PRPF6: variants seen among roughly 807,000 people sequenced by gnomAD.
PRPF6 encodes pre-mRNA processing factor 6.
A neutral mutation model predicts 118.3 loss-of-function variants in PRPF6; 42 were observed. That is an observed-to-expected ratio of 0.35 (90% CI 0.28 to 0.46). PRPF6 has a LOEUF of 0.46. PRPF6 is among the 20% of genes least tolerant of loss of function. The pLI, the probability that PRPF6 is intolerant of heterozygous loss-of-function variation, is 1.00. For missense variants in PRPF6, 662 were observed against 1,255.7 expected (o/e 0.53, Z 7.15); for synonymous variants, 481 against 485.1 (o/e 0.99, Z 0.11).
intron 13 of PRPF6, 91 bp downstream of exon 13, chr20:64,022,969 A>T: frequency 6.3e-7 from 1 of 1,593,770 alleles, no homozygotes; most frequent in East Asian, 2.3e-5. Context: ...ATGTCTGCTC[A>T]TCCAGTCTTG....
Position 64,022,895 on chromosome 20 carries a change from G to C in PRPF6, c.1769+17G>C. Reference sequence around the variant, plus strand: ...TGGCACTCGGTATGTGGTGGGACCCGCCTGCCCAAGGGTGCTAATGAAACC... The same window carrying C: ...TGGCACTCGGTATGTGGTGGGACCCCCCTGCCCAAGGGTGCTAATGAAACC... On this transcript the variant is annotated intron_variant, in intron 13 of 20. Coordinates refer to ENST00000266079, the MANE Select transcript of PRPF6 (RefSeq NM_012469.4). 2 of 1,613,752 alleles carry C rather than the reference G, an allele frequency of 1.2e-6. No homozygotes were observed. Among genetic ancestry groups the C allele is most frequent in the Non-Finnish European group, 1.7e-6 (2 of 1,179,870 alleles).
intron 9 of PRPF6, among the ~76,000 whole-genome samples, chr20:64,003,488 A>G (rs949892085): frequency 5.3e-5 from 8 of 152,194 alleles, no homozygotes; most frequent in Non-Finnish European, 1.2e-4. Context: ...CTTGCCTGTG[A>G]TGCATGTTCC....
intron 3 of PRPF6, among the ~76,000 whole-genome samples, chr20:63,986,055 T>C (rs141825910): frequency 1.1e-3 from 174 of 152,248 alleles, no homozygotes; most frequent in African/African-American, 3.9e-3. Flanking sequence ...GTTCATCGGC[T>C]GGGCGCAGTG....
intron 12 of PRPF6, among the ~76,000 whole-genome samples, chr20:64,021,962 C>T (rs1449393146): frequency 3.2e-5 from 4 of 126,908 alleles, no homozygotes; most frequent in Admixed American, 8.1e-5. Context: ...TGTGTGTGCA[C>T]GTATGCATAT....
At chr20:64,003,857 C>G (rs1449412490) in intron 9 of PRPF6, among the ~76,000 whole-genome samples, 1 of 152,180 alleles carries the variant, frequency 6.6e-6, no homozygotes, top group African/African-American at 2.4e-5. Context: ...CTCGGCCTCT[C>G]AAAGTGCTGG....
intron 2 of PRPF6, 121 bp downstream of exon 2, chr20:63,983,336 TATTCATGGAAC>T: frequency 7.9e-7 from 1 of 1,263,174 alleles, no homozygotes; most frequent in Non-Finnish European, 1.1e-6. Flanking sequence ...AAATTTTAGC[TATTCATGGAAC>T]ATCTTTACTG....
chr20:63,986,779 C>T (rs902310764), intron 3 of PRPF6, among the ~76,000 whole-genome samples: 1 of 151,756 alleles, frequency 6.6e-6, no homozygotes, highest in African/African-American at 2.4e-5. Flanking sequence ...TGAGCCACTG[C>T]GCCCGGCCTA....
At chr20:63,989,370 T>C (rs1430062192) in intron 3 of PRPF6, among the ~76,000 whole-genome samples, 1 of 151,952 alleles carries the variant, frequency 6.6e-6, no homozygotes, top group Non-Finnish European at 1.5e-5. Context: ...AAGCCAGGTG[T>C]GGTGGCTCGC....
rs199531389 is a variant in PRPF6, at chr20:64,022,852, G to A, written c.1743G>A (p.Ala581=). The A allele has an allele frequency of 6.8e-6, 11 of 1,613,940 alleles. No homozygotes were observed. The highest frequency in any genetic ancestry group is 4.4e-5 in the South Asian group (4 of 91,084). Residue 581 remains alanine, a synonymous_variant, in exon 13 of 21, where the codon GCG becomes GCA. Coordinates refer to ENST00000266079, the MANE Select transcript of PRPF6 (RefSeq NM_012469.4). ...PSKKSVWLRA[A]YFEKNHGTRE... ...AGAAGAGTGTGTGGCTGCGCGCCGC[G>A]TACTTCGAGAAGAACCATGGCACTC...
Position 64,027,039 on chromosome 20 carries a change from G to T in PRPF6, c.2086G>T (p.Asp696Tyr). ...GCAAGACAACATCAGGGCAGCCCAA[G>T]ATCTGTGCGAGGAGGCCCTGCGGCA... ...WVQDNIRAAQ[D>Y]LCEEALRHYE... Residue 696 changes from aspartate to tyrosine, a missense_variant, in exon 16 of 21, where the codon GAT becomes TAT. Asp to Tyr is a radical substitution (Grantham distance 160). Transcript: ENST00000266079. The surrounding 1 kb of genome is among the most constrained non-coding windows in gnomAD (Gnocchi z 6.5). 1 of 1,614,082 alleles carries T rather than the reference G, an allele frequency of 6.2e-7. No homozygotes were observed. The highest frequency in any genetic ancestry group is 8.5e-7 in the Non-Finnish European group (1 of 1,180,026).
intron 11 of PRPF6, among the ~76,000 whole-genome samples, chr20:64,015,935 T>C (rs932020745): frequency 2.0e-5 from 3 of 152,118 alleles, no homozygotes; most frequent in African/African-American, 7.2e-5. Context: ...AACACCAGCC[T>C]AGGCAACATA....
Position 64,001,237 on chromosome 20 carries a change from A to C in PRPF6, c.1184A>C (p.Lys395Thr). 6.2e-7 allele frequency: 1 copy of C among 1,614,180 alleles called. No homozygotes were observed. The highest frequency in any genetic ancestry group is 8.5e-7 in the Non-Finnish European group (1 of 1,180,002). ...DIRAKKRVLR[K>T]ALEHVPNSVR... is the part of the protein sequence containing the mutation. ...CGTGCAAAGAAGCGGGTTCTTCGGA[A>C]AGGTGAGCCTCCCTCGGAGGTGCTG... Residue 395 changes from lysine to threonine, a missense_variant and splice_region_variant, in exon 9 of 21, where the codon AAA becomes ACA. Coordinates refer to ENST00000266079, the MANE Select transcript of PRPF6 (RefSeq NM_012469.4).
At position 64,001,198 on chromosome 20, in the gene PRPF6, T is replaced by C; in HGVS notation, c.1145T>C (p.Leu382Pro). 2.5e-6 allele frequency: 4 copies of C among 1,614,214 alleles called. No homozygotes were observed. Among genetic ancestry groups the C allele is most frequent in the Non-Finnish European group, 3.4e-6 (4 of 1,180,026 alleles). ...SVRIYIRAAE[L>P]ETDIRAKKRV... Reference sequence around the variant, plus strand: ...AGGATTTACATCAGAGCCGCAGAGCTGGAAACGGACATTCGTGCAAAGAAG... The same window carrying C: ...AGGATTTACATCAGAGCCGCAGAGCCGGAAACGGACATTCGTGCAAAGAAG... The change falls in exon 9 of 21, where the codon CTG becomes CCG. Residue 382 changes from leucine to proline, a missense_variant. This residue lies in a region of PRPF6 where 189 missense variants were observed against 323.5 expected (regional missense o/e 0.58). Coordinates refer to ENST00000266079, the MANE Select transcript of PRPF6 (RefSeq NM_012469.4).
rs568394576 is a variant in PRPF6, at chr20:64,031,672, C to CAA, written c.2547-228_2547-227dup. 2.2e-3 allele frequency among the ~76,000 whole-genome samples: 163 copies of CAA among 75,794 alleles called. 2 individuals carry two copies. In the South Asian group the frequency reaches 0.04, roughly 19 times the overall value. 49.7% of individuals were successfully genotyped at this position (75,794 alleles called of 152,430 possible). On this transcript the variant is annotated intron_variant, in intron 19 of 20. Coordinates refer to ENST00000266079, the MANE Select transcript of PRPF6 (RefSeq NM_012469.4). ...TGGGCGACAGAGCGAGACTCCTTCT[C>CAA]AAAAAAAAAAAAAAAAAAACAACAA...
In PRPF6 at chr20:63,999,764, G is replaced by A. The variant is rs1349172588; in HGVS notation, c.1023+5G>A. The A allele has an allele frequency of 6.2e-7, 1 of 1,613,822 alleles. No homozygotes were observed. Among genetic ancestry groups the A allele is most frequent in the African/African-American group, 1.3e-5 (1 of 74,922 alleles). ...GGGACGGAGATGTGCCCCAAGGTGA[G>A]GTATTTCCTGGGAGGCGTTTCCTGG... On this transcript the variant is annotated splice_donor_5th_base_variant and intron_variant, in intron 8 of 20. Coordinates refer to ENST00000266079, the MANE Select transcript of PRPF6 (RefSeq NM_012469.4).
Position 64,032,891 on chromosome 20 carries a change from TG to T in PRPF6, c.2728del (p.Glu910SerfsTer34). ...GCTGTGAGAGTGCAGAGCCTCGGCA[TG>T]GGGAGCTGTGGTGCGCCGTGTCCAA... is the stretch of plus-strand genomic sequence containing the variant. ...KRCESAEPRH[G>X]ELWCAVSKDI... On this transcript the variant is annotated frameshift_variant, in exon 21 of 21. Transcript: ENST00000266079. LOFTEE classifies it high-confidence loss of function. The T allele has an allele frequency of 6.2e-7, 1 of 1,613,096 alleles. No individual in the cohort carries two copies. Among genetic ancestry groups the T allele is most frequent in the Non-Finnish European group, 8.5e-7 (1 of 1,179,976 alleles).
In PRPF6 at chr20:64,011,220, G is replaced by A. The variant is rs2059215580; in HGVS notation, c.1306-65G>A. 5.9e-6 allele frequency: 9 copies of A among 1,514,966 alleles called. No homozygotes were observed. The highest frequency in any genetic ancestry group is 5.7e-5 in the South Asian group (5 of 87,712). 93.8% of individuals were successfully genotyped at this position (1,514,966 alleles called of 1,614,324 possible). A position where few individuals can be genotyped will look rare whatever the true frequency, so the allele number is the denominator to read the frequency against. On this transcript the variant is annotated intron_variant, in intron 10 of 20. Coordinates refer to ENST00000266079, the MANE Select transcript of PRPF6 (RefSeq NM_012469.4). This position sits in a 1 kb window ranked among gnomAD's most constrained non-coding sequence, Gnocchi z 6.7. ...GGCCAACGCTGGAGGGTGGGTCGCTGTCTGGCCTGCAGCTGTCCCCCCAGC... is the reference window on the plus strand; with the variant it reads ...GGCCAACGCTGGAGGGTGGGTCGCTATCTGGCCTGCAGCTGTCCCCCCAGC...
intron 3 of PRPF6, among the ~76,000 whole-genome samples, chr20:63,985,751 A>G (rs1020641739): frequency 6.6e-6 from 1 of 152,258 alleles, no homozygotes; most frequent in Admixed American, 6.5e-5. Context: ...TAATGAGATC[A>G]AAGCTGTAAC....
chr20:64,019,011 C>T (rs1232910352), intron 12 of PRPF6, among the ~76,000 whole-genome samples: 1 of 152,094 alleles, frequency 6.6e-6, no homozygotes, highest in Non-Finnish European at 1.5e-5. Flanking sequence ...GGCCATCCTC[C>T]TGCCCCATGT....
Sources: gnomAD v4.1 joint callset for allele counts (sites outside exome capture counted in the v4.1 genomes callset) on GRCh38, gnomAD v4.1.1 for gene constraint, gnomAD v4.1.1 regional missense constraint, Gnocchi (gnomAD v3.1) non-coding constraint, MANE v1.5 for transcripts, NCBI Gene and HGNC (gene_info 2026-07-23, HGNC 2026-07-21) for gene names.